The following MPP7 variants were observed in gnomAD, a reference collection of about 807,000 sequenced individuals.
The protein encoded by MPP7 is MAGUK p55 subfamily member 7.
MPP7 carries 60 observed loss-of-function variants against 76.5 expected under a neutral mutation model. That is an observed-to-expected ratio of 0.78 (90% CI 0.64 to 0.97). The LOEUF is 0.97. MPP7 is among the 50% of genes least tolerant of loss of function. The probability of loss-of-function intolerance (pLI) is 0.00; values close to 1 mark genes in which losing one functional copy is unlikely to be tolerated. For missense variants in MPP7, 641 were observed against 694.0 expected (o/e 0.92, Z 0.86); for synonymous variants, 237 against 244.5 (o/e 0.97, Z 0.29).
In MPP7 at chr10:28,262,204, T is replaced by TAC. The variant is rs1472414688; in HGVS notation, c.-131-23470_-131-23469insGT. The stretch of plus-strand genomic sequence containing the variant: ...AATAAATTATATATATATATATATA[T>TAC]ATACATATATATATATATATACATA... On this transcript the variant is annotated intron_variant, in intron 1 of 16. Coordinates refer to ENST00000683449, the MANE Select transcript of MPP7 (RefSeq NM_001318170.2). Among the ~76,000 whole-genome samples, 43 of 6,800 alleles carry TAC rather than the reference T, an allele frequency of 6.3e-3. 2 individuals carry two copies. Among genetic ancestry groups the TAC allele is most frequent in the Non-Finnish European group, 0.012 (23 of 1,872 alleles). 4.5% of individuals were successfully genotyped at this position (6,800 alleles called of 152,430 possible). A position where few individuals can be genotyped will look rare whatever the true frequency, so the allele number is the denominator to read the frequency against.
At chr10:28,293,370 T>G (rs148388201) in intron 1 of MPP7, among the ~76,000 whole-genome samples, 3 of 152,318 alleles carry the variant, frequency 2.0e-5, no homozygotes, top group Non-Finnish European at 4.4e-5. Flanking sequence ...TTGTGCTGGA[T>G]TGCTCCATCT....
intron 3 of MPP7, among the ~76,000 whole-genome samples, chr10:28,201,239 G>T (rs925520772): frequency 1.3e-5 from 2 of 152,110 alleles, no homozygotes; most frequent in Non-Finnish European, 2.9e-5. Context: ...TTTGACAAAA[G>T]AAATATAGGA....
At chr10:28,261,841 G>A (rs1839960198) in intron 1 of MPP7, among the ~76,000 whole-genome samples, 1 of 151,948 alleles carries the variant, frequency 6.6e-6, no homozygotes, top group African/African-American at 2.4e-5. Flanking sequence ...GAGCCCAGGA[G>A]CTCGAGACCA....
intron 2 of MPP7, among the ~76,000 whole-genome samples, chr10:28,208,379 ATATCCTGGGGGTG>A (rs1838015980): frequency 6.6e-6 from 1 of 152,168 alleles, no homozygotes; most frequent in Non-Finnish European, 1.5e-5. Flanking sequence ...AAAGCCAGAA[ATATCCTGGGGGTG>A]TATATAACAG....
At chr10:28,187,092 C>T (rs182386892) in intron 3 of MPP7, among the ~76,000 whole-genome samples, 226 of 152,218 alleles carry the variant, frequency 1.5e-3, no homozygotes, top group Non-Finnish European at 2.6e-3. Context: ...AAATATAAGA[C>T]GGTTGTTCTG....
intron 2 of MPP7, among the ~76,000 whole-genome samples, chr10:28,225,934 A>T (rs1374523085): frequency 6.6e-6 from 1 of 152,212 alleles, no homozygotes; most frequent in Non-Finnish European, 1.5e-5. Context: ...ATACCTGTAC[A>T]GCAATGTTCA....
intron 2 of MPP7, among the ~76,000 whole-genome samples, chr10:28,220,687 A>C (rs1838472485): frequency 6.6e-6 from 1 of 152,206 alleles, no homozygotes; most frequent in African/African-American, 2.4e-5. Context: ...ATGGCAAGAG[A>C]AACCATGGAA....
intron 2 of MPP7, among the ~76,000 whole-genome samples, chr10:28,218,559 C>A (rs117164884): frequency 0.02 from 3,004 of 152,206 alleles, 40 homozygotes; most frequent in Non-Finnish European, 0.029. Context: ...ATGTTAGTCA[C>A]AGGCCACGAA....
At chr10:28,124,007 C>A (rs1410949911) in intron 8 of MPP7, 24 bp downstream of exon 8, 1 of 1,469,494 alleles carries the variant, frequency 6.8e-7, no homozygotes. Flanking sequence ...TTTATTGTAC[C>A]TTTAAAAGAA....
At chr10:28,113,625 A>C (rs1380664693) in intron 11 of MPP7, among the ~76,000 whole-genome samples, 1 of 152,120 alleles carries the variant, frequency 6.6e-6, no homozygotes, top group Non-Finnish European at 1.5e-5. Context: ...GTATCCCAAG[A>C]AAGGCACACT....
chr10:28,070,017 C>A (rs540210096), intron 12 of MPP7, among the ~76,000 whole-genome samples, 165 bp from the exon 13 acceptor site: 1 of 152,246 alleles, frequency 6.6e-6, no homozygotes, highest in South Asian at 2.1e-4. Flanking sequence ...TGCTAGATTT[C>A]TTTTGTTGCT....
intron 1 of MPP7, among the ~76,000 whole-genome samples, chr10:28,291,256 C>T (rs1840911504): frequency 6.6e-6 from 1 of 152,158 alleles, no homozygotes; most frequent in African/African-American, 2.4e-5. Flanking sequence ...GCTGGCAAGA[C>T]CAGGAAAAGT....
intron 2 of MPP7, among the ~76,000 whole-genome samples, chr10:28,234,523 G>A (rs1839002962): frequency 6.6e-6 from 1 of 152,172 alleles, no homozygotes; most frequent in Admixed American, 6.5e-5. Flanking sequence ...TAATCTTACA[G>A]TGGGGAAACC....
chr10:28,332,809 G>A (rs184681306), intron 1 of MPP7, among the ~76,000 whole-genome samples: 2 of 152,056 alleles, frequency 1.3e-5, no homozygotes, highest in Admixed American at 6.6e-5. Context: ...CCACAGGCAC[G>A]TGCCACCATG....
intron 12 of MPP7, among the ~76,000 whole-genome samples, chr10:28,077,166 G>A (rs1407859817): frequency 6.6e-6 from 1 of 151,174 alleles, no homozygotes; most frequent in African/African-American, 2.4e-5. Context: ...CATCTCTAAT[G>A]TGATATCCTT....
Position 28,238,574 on chromosome 10 carries a change from C to T in MPP7, c.31G>A (p.Asp11Asn). 2 of 1,614,102 alleles carry T rather than the reference C, an allele frequency of 1.2e-6. No individual in the cohort carries two copies. Among genetic ancestry groups the T allele is most frequent in the South Asian group, 1.1e-5 (1 of 91,084 alleles). ...CCCTCTTGGGGTCACATACCAGTGT[C>T]ACTCCCAGATCCCGTTGACAAAGCT... MPALSTGSGSDTGLYELLAAL... is the reference protein window; with the variant it reads MPALSTGSGSNTGLYELLAAL... The change falls in exon 2 of 17, where the codon GAC (aspartate) becomes AAC (asparagine). Residue 11 changes from aspartate (D) to asparagine (N), a missense_variant. Asp to Asn is a conservative substitution (Grantham distance 23). Transcript: ENST00000683449.
chr10:28,207,714 A>T (rs148286954), intron 2 of MPP7, among the ~76,000 whole-genome samples: 1 of 151,996 alleles, frequency 6.6e-6, no homozygotes, highest in African/African-American at 2.4e-5. Flanking sequence ...AAAAATGAAA[A>T]AAGAAAGAAA....
intron 3 of MPP7, among the ~76,000 whole-genome samples, chr10:28,161,376 A>C (rs970251647): frequency 6.8e-6 from 1 of 147,600 alleles, no homozygotes; most frequent in Non-Finnish European, 1.5e-5. Context: ...TATATAATAC[A>C]CTGCTTCCAT....
chr10:28,149,574 T>C (rs1835811652), intron 4 of MPP7, among the ~76,000 whole-genome samples: 9 of 152,246 alleles, frequency 5.9e-5, no homozygotes, highest in Admixed American at 5.9e-4. Context: ...TATTATTTCA[T>C]ATGCCTCGTT....
Sources: allele counts gnomAD v4.1 joint callset (sites outside exome capture counted in the v4.1 genomes callset), GRCh38; gene constraint gnomAD v4.1.1; transcripts MANE v1.5; gene names NCBI Gene and HGNC (gene_info 2026-07-23, HGNC 2026-07-21).